Variants in SPIDR observed in about 807,000 individuals in gnomAD.
The protein encoded by SPIDR is DNA repair-scaffolding protein.
In SPIDR, 93 loss-of-function variants were observed where a neutral mutation model predicts 104.6. The observed-to-expected ratio is 0.89, with a 90% CI of 0.75 to 1.06. SPIDR has a LOEUF of 1.06. Among genes scored for constraint, SPIDR ranks in the 50% least tolerant of loss-of-function variants. The pLI, the probability that SPIDR is intolerant of heterozygous loss-of-function variation, is 0.00. For missense variants in SPIDR, 1,154 were observed against 1,111.2 expected, an observed-to-expected ratio of 1.04 and a Z score of -0.55; for synonymous variants, 431 against 416.9, an observed-to-expected ratio of 1.03 and a Z score of -0.41.
chr8:47,345,503 G>A (rs762727448), intron 5 of SPIDR, among the ~76,000 whole-genome samples: 31 of 152,278 alleles, frequency 2.0e-4, no homozygotes, highest in Non-Finnish European at 2.2e-4. Flanking sequence ...TGTGAAGAAA[G>A]TCATTGGTAG....
At chr8:47,720,984 C>T (rs2083318062) in intron 16 of SPIDR, among the ~76,000 whole-genome samples, 1 of 152,154 alleles carries the variant, frequency 6.6e-6, no homozygotes. Context: ...TCTTGAACTC[C>T]TGACCTCAGG....
intron 8 of SPIDR, among the ~76,000 whole-genome samples, chr8:47,523,247 T>C (rs960656993): frequency 6.6e-6 from 1 of 152,142 alleles, no homozygotes; most frequent in African/African-American, 2.4e-5. Flanking sequence ...TTTTGTGAGC[T>C]TCTTAGTATT....
intron 5 of SPIDR, among the ~76,000 whole-genome samples, chr8:47,342,888 A>G (rs2051060479): frequency 6.6e-6 from 1 of 152,208 alleles, no homozygotes; most frequent in Non-Finnish European, 1.5e-5. Flanking sequence ...CAGAATATGT[A>G]CATAATTTAT....
chr8:47,538,711 TAGAG>T (rs1178126407), intron 8 of SPIDR, among the ~76,000 whole-genome samples: 1 of 152,088 alleles, frequency 6.6e-6, no homozygotes, highest in Non-Finnish European at 1.5e-5. Context: ...CTTTATAAAA[TAGAG>T]AGTAAACCAA....
intron 8 of SPIDR, among the ~76,000 whole-genome samples, chr8:47,594,975 G>T (rs545962363): frequency 8.3e-4 from 127 of 152,104 alleles, no homozygotes; most frequent in Non-Finnish European, 1.4e-3. Context: ...CAGCCTGGGC[G>T]ACAGAGCCGA....
At chr8:47,262,540 C>T (rs1361717607) in intron 1 of SPIDR, among the ~76,000 whole-genome samples, 1 of 152,198 alleles carries the variant, frequency 6.6e-6, no homozygotes, top group Non-Finnish European at 1.5e-5. Context: ...GTTCCAAGCT[C>T]ACTCACGTGG....
chr8:47,558,523 C>G (rs1002695427), intron 8 of SPIDR, among the ~76,000 whole-genome samples: 6 of 152,102 alleles, frequency 3.9e-5, no homozygotes, highest in African/African-American at 1.4e-4. Context: ...AGGATAGGTT[C>G]TGCAGTGTTC....
At chr8:47,507,404 C>G (rs1202991155) in intron 8 of SPIDR, among the ~76,000 whole-genome samples, 1 of 152,256 alleles carries the variant, frequency 6.6e-6, no homozygotes, top group African/African-American at 2.4e-5. Context: ...GGAAGCTCTG[C>G]TCCTCTGTCA....
At chr8:47,501,970 A>T (rs1202195969) in intron 8 of SPIDR, among the ~76,000 whole-genome samples, 7 of 152,220 alleles carry the variant, frequency 4.6e-5, no homozygotes, top group African/African-American at 1.4e-4. Flanking sequence ...ATGTTGAACC[A>T]GCCTTGCATC....
At chr8:47,603,970 GA>G (rs531455720) in intron 10 of SPIDR, among the ~76,000 whole-genome samples, 1 of 151,108 alleles carries the variant, frequency 6.6e-6, no homozygotes, top group Non-Finnish European at 1.5e-5. Context: ...TCCACTAAGG[GA>G]AAAAAAAATC....
At chr8:47,322,796 G>C (rs1354111061) in intron 5 of SPIDR, among the ~76,000 whole-genome samples, 1 of 152,130 alleles carries the variant, frequency 6.6e-6, no homozygotes, top group Non-Finnish European at 1.5e-5. Context: ...TAGGGACATG[G>C]ATGAAGGTGG....
rs769443956 is a variant in SPIDR at position 47,673,958 on chromosome 8, A to G, written c.1685+17A>G. The G allele has an allele frequency of 6.8e-6, 11 of 1,607,386 alleles. No homozygotes were observed. The highest frequency in any genetic ancestry group is 1.7e-4 in the Middle Eastern group (1 of 6,034). On this transcript the variant is annotated intron_variant, in intron 11 of 19. Coordinates refer to ENST00000297423, the MANE Select transcript of SPIDR (RefSeq NM_001080394.4). ...CAGAGGAAGGTGAGAACGTGCAGGA[A>G]TGGCATCCAATTTGCTACAATTGTT...
chr8:47,509,147 C>T (rs991838895), intron 8 of SPIDR, among the ~76,000 whole-genome samples: 5 of 152,170 alleles, frequency 3.3e-5, no homozygotes, highest in Non-Finnish European at 7.3e-5. Context: ...CATTAACTGT[C>T]CATTCCCAAA....
intron 5 of SPIDR, among the ~76,000 whole-genome samples, chr8:47,334,960 T>C (rs2049420030): frequency 1.3e-5 from 2 of 152,328 alleles, no homozygotes; most frequent in Admixed American, 1.3e-4. Context: ...TTACAACTAA[T>C]GCAAGCCAAC....
chr8:47,352,743 G>A (rs117829528), intron 5 of SPIDR, among the ~76,000 whole-genome samples: 1 of 152,190 alleles, frequency 6.6e-6, no homozygotes, highest in East Asian at 1.9e-4. Context: ...AAGGAGGATG[G>A]CAAAAACTAA....
chr8:47,389,667 C>T (rs150364703), intron 5 of SPIDR, among the ~76,000 whole-genome samples: 4,503 of 124,808 alleles, frequency 0.036, 296 homozygotes, highest in Admixed American at 0.2. Flanking sequence ...CCAGCCTGGG[C>T]GACAGAGCAA....
At chr8:47,632,793 C>T (rs186712096) in intron 10 of SPIDR, among the ~76,000 whole-genome samples, 13 of 152,146 alleles carry the variant, frequency 8.5e-5, no homozygotes, top group Non-Finnish European at 1.2e-4. Flanking sequence ...ACAAAATCTC[C>T]GAGCAGTAGC....
intron 10 of SPIDR, among the ~76,000 whole-genome samples, chr8:47,611,953 TG>T (rs1262379102): frequency 6.6e-6 from 1 of 152,202 alleles, no homozygotes; most frequent in African/African-American, 2.4e-5. Flanking sequence ...CTCAGGCCTC[TG>T]GTAGTTGTAT....
chr8:47,715,830 G>A (rs2082502364), intron 16 of SPIDR, among the ~76,000 whole-genome samples: 1 of 152,116 alleles, frequency 6.6e-6, no homozygotes, highest in South Asian at 2.1e-4. Flanking sequence ...TTGAACGCCT[G>A]TTTTGAAATT....
Sources: gnomAD v4.1 joint callset for allele counts (sites outside exome capture counted in the v4.1 genomes callset) on GRCh38, gnomAD v4.1.1 for gene constraint, MANE v1.5 for transcripts, NCBI Gene and HGNC (gene_info 2026-07-23, HGNC 2026-07-21) for gene names.